Variants in PHACTR3 observed in about 807,000 individuals in gnomAD.
PHACTR3 encodes the protein phosphatase and actin regulator 3.
In PHACTR3, 16 loss-of-function variants were observed where a neutral mutation model predicts 66.8. That is an observed-to-expected ratio of 0.24 (90% CI 0.16 to 0.36). The LOEUF (loss-of-function observed/expected upper bound fraction) is 0.36, where lower values mean the gene tolerates loss of function less well. Ranked by LOEUF, PHACTR3 falls within the 10% of genes least tolerant of loss-of-function variation. The pLI is 1.00. For missense variants in PHACTR3, 647 were observed against 719.9 expected, an observed-to-expected ratio of 0.90 and a Z score of 1.16; for synonymous variants, 323 against 292.1, an observed-to-expected ratio of 1.11 and a Z score of -1.08.
chr20:59,683,185 A>G (rs2036728168), intron 1 of PHACTR3, among the ~76,000 whole-genome samples: 1 of 152,140 alleles, frequency 6.6e-6, no homozygotes, highest in African/African-American at 2.4e-5. Flanking sequence ...TAACAGAAGG[A>G]TAGAGCGTTG....
At chr20:59,631,636 A>G (rs1046201775) in intron 1 of PHACTR3, among the ~76,000 whole-genome samples, 3 of 152,242 alleles carry the variant, frequency 2.0e-5, no homozygotes, top group Non-Finnish European at 4.4e-5. Context: ...TCACAACAGT[A>G]TAATAATAAC....
chr20:59,761,550 C>T (rs1254550790), intron 4 of PHACTR3, among the ~76,000 whole-genome samples: 1 of 152,332 alleles, frequency 6.6e-6, no homozygotes, highest in African/African-American at 2.4e-5. Context: ...CCTGGTAGCC[C>T]TCTTGAGGCA....
chr20:59,618,524 G>C (rs184736835), intron 1 of PHACTR3, among the ~76,000 whole-genome samples: 1 of 152,194 alleles, frequency 6.6e-6, no homozygotes, highest in African/African-American at 2.4e-5. Context: ...TCAGAAAAGG[G>C]GCTGGGACTA....
chr20:59,770,962 G>A (rs945440924), intron 5 of PHACTR3, among the ~76,000 whole-genome samples: 2 of 152,190 alleles, frequency 1.3e-5, no homozygotes, highest in Non-Finnish European at 2.9e-5. Context: ...CCTTTTCCTG[G>A]CAGCCTGCCC....
At chr20:59,606,257 C>T (rs529568024) in intron 1 of PHACTR3, among the ~76,000 whole-genome samples, 1 of 152,268 alleles carries the variant, frequency 6.6e-6, no homozygotes, top group Admixed American at 6.5e-5. Context: ...TCCCGATAAA[C>T]TGCCTAGAGG....
At chr20:59,803,783 T>G (rs2041487565) in intron 7 of PHACTR3, among the ~76,000 whole-genome samples, 1 of 152,222 alleles carries the variant, frequency 6.6e-6, no homozygotes, top group Non-Finnish European at 1.5e-5. Context: ...CATCCTTTCA[T>G]GTACTTTTTA....
chr20:59,685,819 G>T (rs1253200002), intron 1 of PHACTR3, among the ~76,000 whole-genome samples: 2 of 152,200 alleles, frequency 1.3e-5, no homozygotes, highest in Non-Finnish European at 2.9e-5. Flanking sequence ...CCCCGTTACA[G>T]TCTGGCCTGA....
At chr20:59,695,074 C>T (rs1448093729) in intron 1 of PHACTR3, among the ~76,000 whole-genome samples, 1 of 152,042 alleles carries the variant, frequency 6.6e-6, no homozygotes, top group Non-Finnish European at 1.5e-5. Context: ...CCCAGTCACA[C>T]AAAACCCCAC....
chr20:59,789,506 T>C (rs1241097151), intron 7 of PHACTR3, among the ~76,000 whole-genome samples: 2 of 152,106 alleles, frequency 1.3e-5, no homozygotes, highest in Non-Finnish European at 2.9e-5. Context: ...AGACCAAGAC[T>C]TAGGAGTAAG....
upstream of PHACTR3, among the ~76,000 whole-genome samples, chr20:59,599,725 T>C (rs1211451824): frequency 6.6e-6 from 1 of 152,118 alleles, no homozygotes; most frequent in Non-Finnish European, 1.5e-5. Flanking sequence ...CCTGGAGGTA[T>C]CCTTGACTTC....
At chr20:59,758,892 A>G (rs568786328) in intron 4 of PHACTR3, among the ~76,000 whole-genome samples, 1 of 152,070 alleles carries the variant, frequency 6.6e-6, no homozygotes, top group Non-Finnish European at 1.5e-5. Context: ...AGGGTCGCTA[A>G]AATTAAATTA....
intron 1 of PHACTR3, among the ~76,000 whole-genome samples, chr20:59,646,948 G>A (rs2035300893): frequency 6.6e-6 from 1 of 152,216 alleles, no homozygotes; most frequent in Non-Finnish European, 1.5e-5. Flanking sequence ...GCTCATTAAA[G>A]GGATTTTTGT....
chr20:59,641,253 T>G (rs1465021885), intron 1 of PHACTR3, among the ~76,000 whole-genome samples: 2 of 152,142 alleles, frequency 1.3e-5, no homozygotes, highest in African/African-American at 2.4e-5. Flanking sequence ...TGTCTCTCTC[T>G]CTCTATCATT....
intron 4 of PHACTR3, among the ~76,000 whole-genome samples, chr20:59,765,255 A>G (rs1243607708): frequency 6.6e-6 from 1 of 152,262 alleles, no homozygotes; most frequent in Non-Finnish European, 1.5e-5. Context: ...CTCAAAGCAT[A>G]GGAGTCTTAA....
At chr20:59,619,025 CA>C (rs2034138938) in intron 1 of PHACTR3, among the ~76,000 whole-genome samples, 1 of 152,168 alleles carries the variant, frequency 6.6e-6, no homozygotes, top group Non-Finnish European at 1.5e-5. Flanking sequence ...CACAGTGGAG[CA>C]GGGATGCTGG....
intron 1 of PHACTR3, among the ~76,000 whole-genome samples, chr20:59,687,003 G>A (rs2036918171): frequency 6.6e-6 from 1 of 151,148 alleles, no homozygotes; most frequent in Non-Finnish European, 1.5e-5. Flanking sequence ...TGATGGTGGT[G>A]ATTGTGATGA....
chr20:59,792,208 A>G (rs2041124980), intron 7 of PHACTR3, among the ~76,000 whole-genome samples: 1 of 152,222 alleles, frequency 6.6e-6, no homozygotes, highest in Non-Finnish European at 1.5e-5. Flanking sequence ...GGAAGCATCA[A>G]CCAGGTCTCA....
intron 1 of PHACTR3, among the ~76,000 whole-genome samples, chr20:59,671,244 G>A (rs775059771): frequency 1.3e-5 from 2 of 152,246 alleles, no homozygotes; most frequent in Non-Finnish European, 2.9e-5. Flanking sequence ...AAGTGGGGCT[G>A]TGAGCATCTG....
chr20:59,644,162 G>A (rs749481767), intron 1 of PHACTR3, among the ~76,000 whole-genome samples: 10 of 152,192 alleles, frequency 6.6e-5, no homozygotes, highest in Non-Finnish European at 1.3e-4. Context: ...AAAGGCCATT[G>A]CGTGCCTGCA....
Sources: allele counts gnomAD v4.1 joint callset (sites outside exome capture counted in the v4.1 genomes callset), GRCh38; gene constraint gnomAD v4.1.1; transcripts MANE v1.5; gene names NCBI Gene and HGNC (gene_info 2026-07-23, HGNC 2026-07-21).